Variants in VWA3B observed in about 807,000 individuals in gnomAD.
VWA3B encodes the protein von Willebrand factor A domain containing 3B.
In VWA3B, 138 loss-of-function variants were observed where a neutral mutation model predicts 158.3. The observed-to-expected ratio is 0.87, with a 90% CI of 0.76 to 1.00. VWA3B has a LOEUF of 1.00. Among genes scored for constraint, VWA3B ranks in the 50% least tolerant of loss-of-function variants. VWA3B has a pLI of 0.00. For missense variants in VWA3B, 1,555 were observed against 1,565.1 expected, an observed-to-expected ratio of 0.99 and a Z score of 0.11; for synonymous variants, 596 against 587.3, an observed-to-expected ratio of 1.01 and a Z score of -0.21.
chr2:98,195,899 GT>G (rs1296965349), intron 12 of VWA3B, among the ~76,000 whole-genome samples: 5 of 152,146 alleles, frequency 3.3e-5, no homozygotes, highest in Non-Finnish European at 7.3e-5. Flanking sequence ...TAAAGAAAAT[GT>G]GGCATATATA....
chr2:98,131,533 C>A (rs188617292), intron 6 of VWA3B, among the ~76,000 whole-genome samples: 74 of 152,272 alleles, frequency 4.9e-4, no homozygotes, highest in African/African-American at 1.7e-3. Flanking sequence ...ATAGTCTTTC[C>A]TATAATGGCT....
chr2:98,236,879 G>A, intron 19 of VWA3B, 149 bp downstream of exon 19: 1 of 1,200,452 alleles, frequency 8.3e-7, no homozygotes, highest in Non-Finnish European at 1.1e-6. Context: ...AAGGGAGAGA[G>A]AGAGGCTTTT....
intron 24 of VWA3B, among the ~76,000 whole-genome samples, chr2:98,299,509 C>T (rs1318118346): frequency 6.6e-6 from 1 of 152,206 alleles, no homozygotes; most frequent in East Asian, 1.9e-4. Context: ...CATCCTTGGG[C>T]CTCTGCTGCT....
At chr2:98,245,233 G>A (rs958321314) in intron 19 of VWA3B, among the ~76,000 whole-genome samples, 71 of 152,072 alleles carry the variant, frequency 4.7e-4, no homozygotes, top group Non-Finnish European at 4.6e-4. Flanking sequence ...AGACCAGGTG[G>A]TTTTATTCCC....
At chr2:98,291,959 G>A (rs1689516196) in intron 23 of VWA3B, 1 of 151,110 alleles carries the variant, frequency 6.6e-6, no homozygotes, top group Non-Finnish European at 1.5e-5. Flanking sequence ...AGATTACATT[G>A]CAGGGCGGGT....
At chr2:98,263,430 T>G (rs1687602669) in intron 21 of VWA3B, among the ~76,000 whole-genome samples, 1 of 151,988 alleles carries the variant, frequency 6.6e-6, no homozygotes, top group Non-Finnish European at 1.5e-5. Flanking sequence ...ATTCCTAGTT[T>G]GCTGAGTGTT....
chr2:98,199,004 G>A (rs1331221956), intron 12 of VWA3B, among the ~76,000 whole-genome samples: 12 of 151,726 alleles, frequency 7.9e-5, no homozygotes, highest in Non-Finnish European at 1.0e-4. Context: ...GGAGAATGGC[G>A]TGAATCCAGG....
chr2:98,178,909 C>T (rs1680237213), intron 8 of VWA3B, among the ~76,000 whole-genome samples: 1 of 152,180 alleles, frequency 6.6e-6, no homozygotes, highest in Non-Finnish European at 1.5e-5. Context: ...TAGAAAAAAA[C>T]ATTTCCCTGC....
At chr2:98,323,583 A>T in the VWA3B span, among the ~76,000 whole-genome samples, 1 of 152,172 alleles carries the variant, frequency 6.6e-6, no homozygotes, top group African/African-American at 2.4e-5. Context: ...AGATTCGAGA[A>T]GCCTAAGGAA....
At chr2:98,214,772 C>T (rs372127781) in intron 13 of VWA3B, among the ~76,000 whole-genome samples, 2 of 152,154 alleles carry the variant, frequency 1.3e-5, no homozygotes, top group African/African-American at 2.4e-5. Context: ...CCTGCAGATA[C>T]GCAGTCGGAT....
intron 20 of VWA3B, 137 bp from the exon 21 acceptor site, chr2:98,255,987 T>C (rs1687110468): frequency 1.2e-6 from 1 of 869,544 alleles, no homozygotes; most frequent in Non-Finnish European, 1.8e-6. Flanking sequence ...ACATCCAGTG[T>C]CTTTAAGCAC....
At chr2:98,257,248 T>C (rs1240767278) in intron 21 of VWA3B, among the ~76,000 whole-genome samples, 1 of 152,090 alleles carries the variant, frequency 6.6e-6, no homozygotes, top group Non-Finnish European at 1.5e-5. Flanking sequence ...TATCATGACC[T>C]CCAAATGATA....
At chr2:98,310,202 C>A (rs910269136) in intron 26 of VWA3B, among the ~76,000 whole-genome samples, 4 of 152,152 alleles carry the variant, frequency 2.6e-5, no homozygotes, top group South Asian at 2.1e-4. Context: ...TCTAAGGCAG[C>A]CTTGCTGAGA....
chr2:98,118,445 A>C (rs1674698086), intron 3 of VWA3B, among the ~76,000 whole-genome samples: 1 of 152,194 alleles, frequency 6.6e-6, no homozygotes. Flanking sequence ...ATCTTCTTTT[A>C]AAATGTGCTC....
chr2:98,324,799 G>A, the VWA3B span, among the ~76,000 whole-genome samples: 1 of 152,066 alleles, frequency 6.6e-6, no homozygotes, highest in Non-Finnish European at 1.5e-5. Flanking sequence ...GGACTTCATG[G>A]CAGCTATAAT....
chr2:98,249,323 T>C (rs1043360431), intron 19 of VWA3B, among the ~76,000 whole-genome samples: 31 of 152,274 alleles, frequency 2.0e-4, no homozygotes, highest in African/African-American at 7.2e-4. Context: ...TTATGGAACT[T>C]ACATTCTGAT....
intron 19 of VWA3B, among the ~76,000 whole-genome samples, chr2:98,241,160 G>C (rs181628296): frequency 2.0e-5 from 3 of 152,130 alleles, no homozygotes; most frequent in Non-Finnish European, 4.4e-5. Flanking sequence ...TTCAGACCCA[G>C]GGGAAGAGAA....
chr2:98,255,797 G>A (rs955104522), intron 20 of VWA3B, among the ~76,000 whole-genome samples: 2 of 152,126 alleles, frequency 1.3e-5, no homozygotes, highest in South Asian at 2.1e-4. Flanking sequence ...TTATGTTCCC[G>A]TAAGAAGAAA....
intron 24 of VWA3B, among the ~76,000 whole-genome samples, chr2:98,299,086 T>G (rs942335158): frequency 1.3e-5 from 2 of 152,186 alleles, no homozygotes; most frequent in Non-Finnish European, 1.5e-5. Flanking sequence ...TTTAGGAAGT[T>G]TGCAGTGATT....
Sources: allele counts gnomAD v4.1 joint callset (sites outside exome capture counted in the v4.1 genomes callset), GRCh38; gene constraint gnomAD v4.1.1; transcripts MANE v1.5; gene names NCBI Gene and HGNC (gene_info 2026-07-23, HGNC 2026-07-21).